PKP4: variants seen among roughly 807,000 people sequenced by gnomAD.
PKP4 encodes plakophilin 4.
A neutral mutation model predicts 145.1 loss-of-function variants in PKP4; 90 were observed. That is an observed-to-expected ratio of 0.62 (90% CI 0.52 to 0.74). PKP4 has a LOEUF of 0.74. Ranked by LOEUF, PKP4 falls within the 30% of genes least tolerant of loss-of-function variation. PKP4 has a pLI of 0.00. For missense variants in PKP4, 1,340 were observed against 1,482.7 expected (o/e 0.90, Z 1.58); for synonymous variants, 563 against 577.2 (o/e 0.98, Z 0.35).
At chr2:158,617,124 G>A (rs978498140) in intron 4 of PKP4, among the ~76,000 whole-genome samples, 8 of 152,226 alleles carry the variant, frequency 5.3e-5, no homozygotes, top group South Asian at 2.1e-4. Flanking sequence ...AAATATTAGA[G>A]CACTCAAATG....
At chr2:158,610,813 C>G (rs2051075359) in intron 4 of PKP4, among the ~76,000 whole-genome samples, 1 of 152,148 alleles carries the variant, frequency 6.6e-6, no homozygotes, top group Middle Eastern at 3.2e-3. Flanking sequence ...CAGAATCCAG[C>G]CTCCCTCCGC....
intron 6 of PKP4, among the ~76,000 whole-genome samples, chr2:158,624,430 A>G (rs1278252824): frequency 1.3e-5 from 2 of 152,234 alleles, no homozygotes; most frequent in African/African-American, 4.8e-5. Context: ...TTCAAATTAT[A>G]TTCAAATTTT....
chr2:158,666,419 G>A lies in PKP4; in HGVS notation c.2584G>A (p.Ala862Thr), dbSNP rs780085152. Residue 862 changes from alanine (A) to threonine (T), a missense_variant, in exon 16 of 22, where the codon GCA becomes ACA. By Grantham distance (58) the Ala-to-Thr change is moderately conservative. Transcript: ENST00000389759. ...GCCTTATTTTTCTCACTAGTTTGCA[G>A]CATATATCCGGGCGGCCGTCCGAAA... is the stretch of plus-strand genomic sequence containing the variant. ...NLSAGNWKFA[A>T]YIRAAVRKEK... The A allele has an allele frequency of 1.9e-6, 3 of 1,602,404 alleles. No individual in the cohort carries two copies. In the Admixed American group the frequency reaches 5.2e-5, roughly 28 times the overall value.
intron 11 of PKP4, among the ~76,000 whole-genome samples, chr2:158,650,042 A>G (rs1232734373): frequency 6.6e-6 from 1 of 152,204 alleles, no homozygotes; most frequent in Non-Finnish European, 1.5e-5. Context: ...GCAAATCTCT[A>G]TGATAGTGTA....
At chr2:158,543,926 CAT>C (rs1553567431) in intron 2 of PKP4, among the ~76,000 whole-genome samples, 3 of 152,122 alleles carry the variant, frequency 2.0e-5, no homozygotes, top group Non-Finnish European at 4.4e-5. Flanking sequence ...CAGGTGATGA[CAT>C]GTGTACCTCA....
rs570108813 is a variant in PKP4, at chr2:158,670,767, G to A, written c.2924+852G>A. 7.9e-5 allele frequency among the ~76,000 whole-genome samples: 12 copies of A among 152,342 alleles called. No homozygotes were observed. The South Asian group carries it at 2.5e-3, about 32-fold the overall frequency. ...CTGTGTGGCCTCAGGATGTGCCCCA[G>A]GCTTGGATGGCGCATTTCCCTTTGC... On this transcript the variant is annotated intron_variant, in intron 17 of 21. Transcript: ENST00000389759.
At chr2:158,635,331 TCTG>T (rs1208842296) in intron 9 of PKP4, among the ~76,000 whole-genome samples, 2 of 152,316 alleles carry the variant, frequency 1.3e-5, no homozygotes, top group East Asian at 3.9e-4. Context: ...TGCATTTGGT[TCTG>T]CTACTCCTGG....
intron 1 of PKP4, among the ~76,000 whole-genome samples, chr2:158,503,090 A>G (rs1696827183): frequency 6.6e-6 from 1 of 152,224 alleles, no homozygotes; most frequent in South Asian, 2.1e-4. Context: ...AGCCTGATTA[A>G]AAGTTTGAGC....
At chr2:158,483,912 GC>G in intron 1 of PKP4, among the ~76,000 whole-genome samples, 1 of 152,224 alleles carries the variant, frequency 6.6e-6, no homozygotes, top group South Asian at 2.1e-4. Flanking sequence ...ACCACGGTCA[GC>G]TGAGTTGATT....
intron 1 of PKP4, among the ~76,000 whole-genome samples, chr2:158,469,764 G>A (rs557395874): frequency 2.2e-4 from 33 of 152,116 alleles, no homozygotes; most frequent in Admixed American, 3.3e-4. Context: ...TTTTAATATG[G>A]TGCTTTTAAG....
At chr2:158,617,553 C>T (rs917104897) in intron 4 of PKP4, among the ~76,000 whole-genome samples, 1 of 152,092 alleles carries the variant, frequency 6.6e-6, no homozygotes, top group Non-Finnish European at 1.5e-5. Flanking sequence ...TCTTTCATTC[C>T]ACATAGCAGA....
chr2:158,468,135 A>C (rs1034768406), intron 1 of PKP4, among the ~76,000 whole-genome samples: 8 of 152,254 alleles, frequency 5.3e-5, no homozygotes, highest in African/African-American at 1.9e-4. Flanking sequence ...GGAAATGCCC[A>C]GGAATACAAT....
At chr2:158,462,317 A>C (rs1689894164) in intron 1 of PKP4, among the ~76,000 whole-genome samples, 1 of 152,098 alleles carries the variant, frequency 6.6e-6, no homozygotes. Context: ...ATATTGATCT[A>C]AGTTATATTT....
At chr2:158,676,654 T>A (rs1463644866) in intron 19 of PKP4, 85 bp from the exon 20 acceptor site, 1 of 1,491,148 alleles carries the variant, frequency 6.7e-7, no homozygotes, top group Non-Finnish European at 9.3e-7. Context: ...CTGAGCTTTG[T>A]GTTTCTGGAG....
chr2:158,460,059 C>CT (rs1431777178), intron 1 of PKP4, among the ~76,000 whole-genome samples: 2 of 152,208 alleles, frequency 1.3e-5, no homozygotes, highest in East Asian at 1.9e-4. Flanking sequence ...ACTGAAGAGT[C>CT]TAAGTTGGGA....
intron 1 of PKP4, among the ~76,000 whole-genome samples, chr2:158,520,135 C>G (rs1408427862): frequency 6.6e-6 from 1 of 152,144 alleles, no homozygotes; most frequent in African/African-American, 2.4e-5. Flanking sequence ...TTTTCATTAA[C>G]CATTTTGCAG....
At chr2:158,528,497 G>A (rs1574306802) in intron 1 of PKP4, among the ~76,000 whole-genome samples, 2 of 96,784 alleles carry the variant, frequency 2.1e-5, no homozygotes, top group Non-Finnish European at 4.1e-5. Flanking sequence ...TGGGGTGGGG[G>A]GAGGGGGAGG....
chr2:158,624,944 T>C lies in PKP4; in HGVS notation c.670T>C (p.Tyr224His). Residue 224 changes from tyrosine to histidine, a missense_variant, in exon 7 of 22, where the codon TAT (tyrosine) becomes CAT (histidine). Tyr to His is a moderately conservative substitution (Grantham distance 83, BLOSUM62 2). Transcript: ENST00000389759. ...SVPSRAQSPS[Y>H]VISTGVSPSR... ...TCCATCTAGAGCACAGTCTCCTTCT[T>C]ATGTTATCAGCACAGGCGTGTCTCC... 2 of 1,614,022 alleles carry C rather than the reference T, an allele frequency of 1.2e-6. No homozygotes were observed. Among genetic ancestry groups the C allele is most frequent in the Non-Finnish European group, 1.7e-6 (2 of 1,179,944 alleles).
At chr2:158,599,812 T>C (rs139053823) in intron 3 of PKP4, among the ~76,000 whole-genome samples, 1 of 152,328 alleles carries the variant, frequency 6.6e-6, no homozygotes, top group Non-Finnish European at 1.5e-5. Context: ...ATGCTCAGGA[T>C]CACCCTATCT....
Sources: gnomAD v4.1 joint callset for allele counts (sites outside exome capture counted in the v4.1 genomes callset) on GRCh38, gnomAD v4.1.1 for gene constraint, MANE v1.5 for transcripts, NCBI Gene and HGNC (gene_info 2026-07-23, HGNC 2026-07-21) for gene names.